PCDHGA12: variants seen among roughly 807,000 people sequenced by gnomAD.
PCDHGA12 encodes the protein protocadherin gamma subfamily A, 12, also known as protocadherin gamma-A12.
Under a neutral mutation model 61.1 loss-of-function variants are expected in PCDHGA12, and 43 were observed. That is an observed-to-expected ratio of 0.70 (90% CI 0.55 to 0.91). The LOEUF (loss-of-function observed/expected upper bound fraction) is 0.91, where lower values mean the gene tolerates loss of function less well. Among genes scored for constraint, PCDHGA12 ranks in the 40% least tolerant of loss-of-function variants. The probability of loss-of-function intolerance (pLI) is 0.00; values close to 1 mark genes in which losing one functional copy is unlikely to be tolerated. For synonymous variants in PCDHGA12, 520 were observed against 542.9 expected (o/e 0.96, Z 0.59); for missense variants, 1,236 against 1,227.7 (o/e 1.01, Z -0.10).
At position 141,477,529 on chromosome 5, in the gene PCDHGA12, C is replaced by G; in HGVS notation, c.2425-17278C>G. ...ACGTTTACATTGAAGAAAACAACCT[C>G]CCCGGGGCTCCAATACTAAACCTAA... On this transcript the variant is annotated intron_variant, in intron 1 of 3. Transcript: ENST00000252085. The surrounding 1 kb of genome is among the most constrained non-coding windows in gnomAD (Gnocchi z 4.9). 6.2e-7 allele frequency: 1 copy of G among 1,614,172 alleles called. No homozygotes were observed. The highest frequency in any genetic ancestry group is 8.5e-7 in the Non-Finnish European group (1 of 1,180,032).
At position 141,490,456 on chromosome 5, in the gene PCDHGA12, C is replaced by G. The variant is rs370141879; in HGVS notation, c.2425-4351C>G. On this transcript the variant is annotated intron_variant, in intron 1 of 3. Transcript: ENST00000252085. The surrounding 1 kb of genome is among the most constrained non-coding windows in gnomAD (Gnocchi z 5.4). The stretch of plus-strand genomic sequence containing the variant: ...TAAGCCTTCTGAGAACCACTACTCG[C>G]TGCTAACCAGCCAGCCTTTGGACCG... 3.7e-6 allele frequency: 6 copies of G among 1,614,114 alleles called. No individual in the cohort carries two copies. Among genetic ancestry groups the G allele is most frequent in the Non-Finnish European group, 5.1e-6 (6 of 1,180,058 alleles).
At position 141,477,687 on chromosome 5, in the gene PCDHGA12, C is replaced by A. The variant is rs1206813120; in HGVS notation, c.2425-17120C>A. The A allele has an allele frequency of 5.6e-6, 9 of 1,614,022 alleles. No homozygotes were observed. The highest frequency in any genetic ancestry group is 7.6e-6 in the Non-Finnish European group (9 of 1,180,040). ...AATGGCATAGTGTCATCCTTAGTGC[C>A]CCTAGACTATGAGGATCGGCGGGAA... On this transcript the variant is annotated intron_variant, in intron 1 of 3. Coordinates refer to ENST00000252085, the MANE Select transcript of PCDHGA12 (RefSeq NM_003735.3). This position sits in a 1 kb window ranked among gnomAD's most constrained non-coding sequence, Gnocchi z 4.9.
At chr5:141,452,134 T>C (rs539377216) in intron 1 of PCDHGA12, among the ~76,000 whole-genome samples, 2 of 152,344 alleles carry the variant, frequency 1.3e-5, no homozygotes, top group South Asian at 2.1e-4. Flanking sequence ...ATATGGCTCA[T>C]GTGTTTTTTC....
intron 1 of PCDHGA12, among the ~76,000 whole-genome samples, chr5:141,462,903 T>A (rs1455334521): frequency 6.6e-6 from 1 of 152,208 alleles, no homozygotes; most frequent in Non-Finnish European, 1.5e-5. Context: ...GGAAGGCTAT[T>A]ATGTTTTTTG....
rs113648128 is a variant in PCDHGA12, at chr5:141,491,811, C to T, written c.2425-2996C>T. ...CACTCCTCTCCGGCCGGCTTGGTCG[C>T]TGGCTGCGCTCCACCCGATTCTCGG... On this transcript the variant is annotated intron_variant, in intron 1 of 3. Transcript: ENST00000252085. The surrounding 1 kb of genome is among the most constrained non-coding windows in gnomAD (Gnocchi z 6.9). 6.7e-7 allele frequency: 1 copy of T among 1,487,262 alleles called. No homozygotes were observed. The highest frequency in any genetic ancestry group is 1.4e-5 in the African/African-American group (1 of 70,544). 92.1% of individuals were successfully genotyped at this position (1,487,262 alleles called of 1,614,324 possible).
rs1338955892 is a variant in PCDHGA12, at chr5:141,502,521, T to C, written c.2484-2872T>C. 5.9e-5 allele frequency among the ~76,000 whole-genome samples: 9 copies of C among 152,338 alleles called. No homozygotes were observed. In the East Asian group the frequency reaches 1.7e-3, roughly 29 times the overall value. The stretch of plus-strand genomic sequence containing the variant: ...CGTCGGCCTGTCCCACTATCAGTGA[T>C]GCCGAGTTTGTTCGTGTGGTAAAAA... On this transcript the variant is annotated intron_variant, in intron 2 of 3. Transcript: ENST00000252085.
At position 141,495,009 on chromosome 5, in the gene PCDHGA12, G is replaced by A; in HGVS notation, c.2483+144G>A. 6 of 1,518,622 alleles carry A rather than the reference G, an allele frequency of 4.0e-6. No homozygotes were observed. The South Asian group carries it at 6.2e-5, about 16-fold the overall frequency. The allele number at this position is 1,518,622 out of a possible 1,614,324, so 94.1% of individuals were successfully genotyped here. ...TCCCAGGGAGGTCTTGGTGTGCGGG[G>A]GGCTGGCACACAGACCCCGGAAGGA... is the stretch of plus-strand genomic sequence containing the variant. On this transcript the variant is annotated intron_variant, in intron 2 of 3. Coordinates refer to ENST00000252085, the MANE Select transcript of PCDHGA12 (RefSeq NM_003735.3).
rs148675327 is a variant in PCDHGA12 at position 141,477,019 on chromosome 5, C to A, written c.2425-17788C>A. On this transcript the variant is annotated intron_variant, in intron 1 of 3. Coordinates refer to ENST00000252085, the MANE Select transcript of PCDHGA12 (RefSeq NM_003735.3). The surrounding 1 kb of genome is among the most constrained non-coding windows in gnomAD (Gnocchi z 4.9). ...AACTATTCGCCTTAGACCTTGTAAC[C>A]GGGATGCTGACAATCAAGGGTCGGC... The A allele has an allele frequency of 1.7e-5, 28 of 1,614,124 alleles. No individual in the cohort carries two copies. The African/African-American group carries it at 2.5e-4, about 15-fold the overall frequency.
intron 1 of PCDHGA12, among the ~76,000 whole-genome samples, chr5:141,443,654 G>A (rs2098397947): frequency 6.6e-6 from 1 of 152,150 alleles, no homozygotes; most frequent in Non-Finnish European, 1.5e-5. Context: ...TGTTAGCATA[G>A]CATTTTACTG....
Position 141,511,065 on chromosome 5 carries a change from C to T in PCDHGA12, c.2691C>T (p.Ile897=). Residue 897 remains isoleucine, a synonymous_variant, in exon 4 of 4, where the codon ATC becomes ATT. Transcript: ENST00000252085. ...HVPDYRQNVY[I]PGSNATLTNA... ...CCGACTACCGCCAGAATGTCTACATCCCAGGCAGCAATGCCACACTGACCA... is the reference window on the plus strand; with the variant it reads ...CCGACTACCGCCAGAATGTCTACATTCCAGGCAGCAATGCCACACTGACCA... The T allele has an allele frequency of 6.2e-7, 1 of 1,614,222 alleles. No individual in the cohort carries two copies. Among genetic ancestry groups the T allele is most frequent in the Middle Eastern group, 1.6e-4 (1 of 6,062 alleles).
At chr5:141,480,695 C>T (rs2099523656) in intron 1 of PCDHGA12, among the ~76,000 whole-genome samples, 2 of 152,146 alleles carry the variant, frequency 1.3e-5, no homozygotes, top group African/African-American at 4.8e-5. Context: ...GAAACCCAGG[C>T]CACACCCCGA....
At chr5:141,494,232 A>T (rs2099752983) in intron 1 of PCDHGA12, among the ~76,000 whole-genome samples, 1 of 152,168 alleles carries the variant, frequency 6.6e-6, no homozygotes, top group African/African-American at 2.4e-5. Flanking sequence ...TCCTAAATTA[A>T]TAATGTATTT....
chr5:141,512,656 C>G lies in PCDHGA12; in HGVS notation c.*1483C>G, dbSNP rs1262748947. ...CCCTTACAGTAGTGTAGCGCCCCCT[C>G]CCTCTTTCGGCTGGTGTAGAATAGC... On this transcript the variant is annotated 3_prime_UTR_variant, in exon 4 of 4. Coordinates refer to ENST00000252085, the MANE Select transcript of PCDHGA12 (RefSeq NM_003735.3). 1 of 152,508 alleles carries G rather than the reference C, an allele frequency of 6.6e-6. No homozygotes were observed. The highest frequency in any genetic ancestry group is 1.5e-5 in the Non-Finnish European group (1 of 68,228). The allele number at this position is 152,508 out of a possible 1,614,324, so 9.4% of individuals were successfully genotyped here.
At chr5:141,502,862 C>CTTTT (rs2154593209) in intron 2 of PCDHGA12, among the ~76,000 whole-genome samples, 1 of 68,550 alleles carries the variant, frequency 1.5e-5, no homozygotes, top group African/African-American at 9.9e-5. Flanking sequence ...CCCTGACTCT[C>CTTTT]TGTCTTTTTT....
In PCDHGA12 at chr5:141,431,140, C is replaced by G. The variant is rs145692116; in HGVS notation, c.381C>G (p.Asn127Lys). The G allele has an allele frequency of 6.2e-7, 1 of 1,614,208 alleles. No individual in the cohort carries two copies. The highest frequency in any genetic ancestry group is 1.7e-5 in the Admixed American group (1 of 60,038). The change falls in exon 1 of 4, where the codon AAC becomes AAG. Residue 127 changes from asparagine to lysine, a missense_variant. Physicochemically the swap from Asn to Lys is moderately conservative, Grantham distance 94 (BLOSUM62 0). Transcript: ENST00000252085. This position sits in a 1 kb window ranked among gnomAD's most constrained non-coding sequence, Gnocchi z 4.8. The stretch of plus-strand genomic sequence containing the variant: ...TAGAAGTAGAAGTAAGGGACATTAA[C>G]GACAATGCGCCTTACTTTCGTGAAA... The part of the protein sequence containing the change: ...YGVEVEVRDI[N>K]DNAPYFRESE...
chr5:141,455,104 G>A (rs2098813087), intron 1 of PCDHGA12, among the ~76,000 whole-genome samples: 1 of 151,888 alleles, frequency 6.6e-6, no homozygotes, highest in East Asian at 1.9e-4. Flanking sequence ...GAGCCACTGC[G>A]CCCGGTGGGT....
chr5:141,462,999 C>T (rs1360054048), intron 1 of PCDHGA12, among the ~76,000 whole-genome samples: 1 of 152,068 alleles, frequency 6.6e-6, no homozygotes, highest in Non-Finnish European at 1.5e-5. Flanking sequence ...TAATTTAGAC[C>T]TACCACTTAA....
At chr5:141,443,113 T>C (rs2098364390) in intron 1 of PCDHGA12, among the ~76,000 whole-genome samples, 1 of 152,040 alleles carries the variant, frequency 6.6e-6, no homozygotes, top group African/African-American at 2.4e-5. Flanking sequence ...ACCTTGCTTT[T>C]CAAACCAGAT....
chr5:141,437,938 A>G (rs1042890704), intron 1 of PCDHGA12, among the ~76,000 whole-genome samples: 4 of 152,132 alleles, frequency 2.6e-5, no homozygotes, highest in African/African-American at 9.7e-5. Flanking sequence ...GGGTTTCACC[A>G]TATTGGCCAG....
Sources: allele counts gnomAD v4.1 joint callset (sites outside exome capture counted in the v4.1 genomes callset), GRCh38; gene constraint gnomAD v4.1.1; non-coding constraint Gnocchi (gnomAD v3.1); transcripts MANE v1.5; gene names NCBI Gene and HGNC (gene_info 2026-07-23, HGNC 2026-07-21).